Variants in ARHGAP31 observed in about 807,000 individuals in gnomAD.
ARHGAP31 encodes the protein Rho GTPase activating protein 31, also known as rho GTPase-activating protein 31.
A neutral mutation model predicts 113.9 loss-of-function variants in ARHGAP31; 34 were observed. That is an observed-to-expected ratio of 0.30 (90% CI 0.23 to 0.40). ARHGAP31 has a LOEUF of 0.40. ARHGAP31 is among the 10% of genes least tolerant of loss of function. ARHGAP31 has a pLI of 1.00. For synonymous variants in ARHGAP31, 650 were observed against 684.8 expected (o/e 0.95, Z 0.79); for missense variants, 1,548 against 1,767.1 (o/e 0.88, Z 2.22).
intron 1 of ARHGAP31, among the ~76,000 whole-genome samples, chr3:119,347,051 G>T (rs193253977): frequency 1.4e-4 from 22 of 152,306 alleles, no homozygotes; most frequent in Admixed American, 1.4e-3. Flanking sequence ...AATAAATATA[G>T]ATCTGGGAAG....
At position 119,414,134 on chromosome 3, in the gene ARHGAP31, CAG is replaced by C; in HGVS notation, c.2211_2212del (p.Lys738AlafsTer4). On this transcript the variant is annotated frameshift_variant, in exon 12 of 12. Coordinates refer to ENST00000264245, the MANE Select transcript of ARHGAP31 (RefSeq NM_020754.4). LOFTEE classifies it low-confidence loss of function (END_TRUNC). ...STQGASTAAS[R>X]EKPEPEQGLH... The stretch of plus-strand genomic sequence containing the variant: ...CACAGGGGGCTTCCACAGCAGCCAG[CAG>C]AGAGAAGCCGGAACCTGAGCAGGGC... 1 of 1,614,216 alleles carries C rather than the reference CAG, an allele frequency of 6.2e-7. No individual in the cohort carries two copies. The highest frequency in any genetic ancestry group is 2.2e-5 in the East Asian group (1 of 44,884).
chr3:119,346,622 C>T (rs779763025), intron 1 of ARHGAP31, among the ~76,000 whole-genome samples: 34 of 152,216 alleles, frequency 2.2e-4, no homozygotes, highest in Non-Finnish European at 3.7e-4. Flanking sequence ...ATCCAATAAA[C>T]ATAATTAATT....
At chr3:119,338,018 A>G (rs1577001588) in intron 1 of ARHGAP31, among the ~76,000 whole-genome samples, 1 of 152,240 alleles carries the variant, frequency 6.6e-6, no homozygotes, top group Non-Finnish European at 1.5e-5. Flanking sequence ...TTGCAGGATC[A>G]TAGGGTAACA....
chr3:119,305,518 C>T (rs2079624479), intron 1 of ARHGAP31, among the ~76,000 whole-genome samples: 2 of 152,184 alleles, frequency 1.3e-5, no homozygotes, highest in African/African-American at 2.4e-5. Flanking sequence ...CCCTCCCCTA[C>T]AATGCATATT....
In ARHGAP31 at chr3:119,401,804, C is replaced by G; in HGVS notation, c.1070-18C>G. 1 of 1,613,126 alleles carries G rather than the reference C, an allele frequency of 6.2e-7. No individual in the cohort carries two copies. The highest frequency in any genetic ancestry group is 8.5e-7 in the Non-Finnish European group (1 of 1,179,530). On this transcript the variant is annotated intron_variant, in intron 9 of 11. Transcript: ENST00000264245. ...GTGTGCCCCGGCTGCTGACCATACA[C>G]TTGTTCCTTTTTACTAGGAAAAGAA... is the stretch of plus-strand genomic sequence containing the variant.
chr3:119,378,875 A>G (rs1335324709), intron 3 of ARHGAP31, among the ~76,000 whole-genome samples: 1 of 152,182 alleles, frequency 6.6e-6, no homozygotes, highest in Non-Finnish European at 1.5e-5. Flanking sequence ...TATCTCATAA[A>G]GTGAGGATTG....
chr3:119,346,685 A>T (rs1362492808), intron 1 of ARHGAP31, among the ~76,000 whole-genome samples: 1 of 152,226 alleles, frequency 6.6e-6, no homozygotes, highest in Non-Finnish European at 1.5e-5. Context: ...ATTACTTCTG[A>T]CACCAAAGTG....
intron 1 of ARHGAP31, among the ~76,000 whole-genome samples, chr3:119,326,008 T>C (rs1301248898): frequency 1.3e-5 from 2 of 151,934 alleles, no homozygotes; most frequent in South Asian, 2.1e-4. Flanking sequence ...CTGGCCAACA[T>C]GGTGAAACCC....
chr3:119,311,044 T>G (rs6438520), intron 1 of ARHGAP31, among the ~76,000 whole-genome samples: 56,967 of 151,950 alleles, frequency 0.37, 10,905 homozygotes, highest in Non-Finnish European at 0.41. Context: ...CAGCCTATGT[T>G]CCCCTCTGTC....
At position 119,393,547 on chromosome 3, in the gene ARHGAP31, T is replaced by C; in HGVS notation, c.962T>C (p.Leu321Pro). The C allele has an allele frequency of 6.2e-7, 1 of 1,614,080 alleles. No individual in the cohort carries two copies. Among genetic ancestry groups the C allele is most frequent in the East Asian group, 2.2e-5 (1 of 44,864 alleles). Residue 321 changes from leucine (L) to proline (P), a missense_variant, in exon 8 of 12, where the codon CTG becomes CCG. Leu to Pro is a moderately conservative substitution (Grantham distance 98, BLOSUM62 -3). Coordinates refer to ENST00000264245, the MANE Select transcript of ARHGAP31 (RefSeq NM_020754.4). ...TCTGGATCAGACTCCAAATCAAAAC[T>C]GAGTAGAAATGGGAGTGTATTTGTG... is the stretch of plus-strand genomic sequence containing the variant. ...GRSGSDSKSK[L>P]SRNGSVFVRG...
chr3:119,312,569 C>G (rs962126745), intron 1 of ARHGAP31, among the ~76,000 whole-genome samples: 1 of 152,152 alleles, frequency 6.6e-6, no homozygotes, highest in Admixed American at 6.5e-5. Flanking sequence ...AAGCCGTCTT[C>G]TTCTCTTGTA....
In ARHGAP31 at chr3:119,382,286, T is replaced by C; in HGVS notation, c.432-6T>C. ...TCTTACTTTGTCAAAAAACAAACCA[T>C]TCTAGGACCTTGGAATACCTGATTC... On this transcript the variant is annotated splice_region_variant and splice_polypyrimidine_tract_variant and intron_variant, in intron 4 of 11. Transcript: ENST00000264245. 1 of 1,613,890 alleles carries C rather than the reference T, an allele frequency of 6.2e-7. No individual in the cohort carries two copies. The highest frequency in any genetic ancestry group is 8.5e-7 in the Non-Finnish European group (1 of 1,179,786).
At chr3:119,329,983 C>A in intron 1 of ARHGAP31, 5 of 985,446 alleles carry the variant, frequency 5.1e-6, no homozygotes, top group Non-Finnish European at 6.0e-6. Flanking sequence ...TGTGTCTATG[C>A]GGGGTGAGTT....
chr3:119,380,817 T>C lies in ARHGAP31; in HGVS notation c.349-87T>C. ...TCTAGGCATGGTTGTGAGGCTGGAG[T>C]ATGAGGGCTTGAGTGATCCCAGCAC... On this transcript the variant is annotated intron_variant, in intron 3 of 11. Transcript: ENST00000264245. 12 of 1,097,256 alleles carry C rather than the reference T, an allele frequency of 1.1e-5. No individual in the cohort carries two copies. In the South Asian group the frequency reaches 1.5e-4, roughly 14 times the overall value. 68.0% of individuals were successfully genotyped at this position (1,097,256 alleles called of 1,614,324 possible).
At chr3:119,315,592 A>G (rs1161594916) in intron 1 of ARHGAP31, among the ~76,000 whole-genome samples, 1 of 152,198 alleles carries the variant, frequency 6.6e-6, no homozygotes, top group Non-Finnish European at 1.5e-5. Flanking sequence ...AGGCCTCGCT[A>G]AGACATCAGG....
rs78546809 is a variant in ARHGAP31 at position 119,349,475 on chromosome 3, C to T, written c.101-15841C>T. Among the ~76,000 whole-genome samples, 25 of 152,232 alleles carry T rather than the reference C, an allele frequency of 1.6e-4. No homozygotes were observed. In the East Asian group the frequency reaches 3.5e-3, roughly 21 times the overall value. On this transcript the variant is annotated intron_variant, in intron 1 of 11. Coordinates refer to ENST00000264245, the MANE Select transcript of ARHGAP31 (RefSeq NM_020754.4). ...TCCTGGGGACAATTTACATCCTGGACGGAGAATGCAAAGGCAGAAGGGGTG... is the reference window on the plus strand; with the variant it reads ...TCCTGGGGACAATTTACATCCTGGATGGAGAATGCAAAGGCAGAAGGGGTG...
chr3:119,318,883 C>G (rs1220591280), intron 1 of ARHGAP31, among the ~76,000 whole-genome samples: 1 of 151,902 alleles, frequency 6.6e-6, no homozygotes, highest in Non-Finnish European at 1.5e-5. Flanking sequence ...AGCTACATTC[C>G]AGTATTAGAT....
At chr3:119,307,958 A>AAAAAAAAAAAAAAC (rs2079645450) in intron 1 of ARHGAP31, among the ~76,000 whole-genome samples, 1 of 150,264 alleles carries the variant, frequency 6.7e-6, no homozygotes, top group Non-Finnish European at 1.5e-5. Context: ...AAAAAAAAAA[A>AAAAAAAAAAAAAAC]AAGCTCAATC....
intron 11 of ARHGAP31, 35 bp downstream of exon 11, chr3:119,409,811 G>A (rs1260300121): frequency 1.3e-6 from 2 of 1,550,424 alleles, no homozygotes; most frequent in African/African-American, 1.4e-5. Flanking sequence ...CAGCCAGGTG[G>A]AGTTATTTTT....
Sources: gnomAD v4.1 joint callset for allele counts (sites outside exome capture counted in the v4.1 genomes callset) on GRCh38, gnomAD v4.1.1 for gene constraint, MANE v1.5 for transcripts, NCBI Gene and HGNC (gene_info 2026-07-23, HGNC 2026-07-21) for gene names.